Variants in PLXNB2 observed in about 807,000 individuals in gnomAD.
PLXNB2 encodes the protein plexin-B2.
In PLXNB2, 85 loss-of-function variants were observed where a neutral mutation model predicts 202.6. The ratio of observed to expected loss-of-function variants is 0.42; its 90% CI spans 0.35 to 0.50. The LOEUF is 0.50. PLXNB2 is among the 20% of genes least tolerant of loss of function. The pLI is 0.02. For synonymous variants in PLXNB2, 1,239 were observed against 1,137.6 expected, an observed-to-expected ratio of 1.09 and a Z score of -1.79; for missense variants, 2,063 against 2,586.2, an observed-to-expected ratio of 0.80 and a Z score of 4.39.
At chr22:50,287,395 C>T (rs2066535412) in intron 7 of PLXNB2, 131 bp from the exon 8 acceptor site, 6 of 1,044,114 alleles carry the variant, frequency 5.7e-6, no homozygotes, top group Non-Finnish European at 6.8e-6. Flanking sequence ...CCACGTCTTC[C>T]AATACAGGCC....
In PLXNB2 at chr22:50,282,795, G is replaced by A. The variant is rs745397200; in HGVS notation, c.2903C>T (p.Ser968Phe). The A allele has an allele frequency of 9.9e-6, 16 of 1,609,576 alleles. No homozygotes were observed. Among genetic ancestry groups the A allele is most frequent in the Admixed American group, 5.1e-5 (3 of 59,204 alleles). Residue 968 changes from serine (S) to phenylalanine (F), a missense_variant, in exon 18 of 37, where the codon TCC becomes TTC. Ser to Phe is a radical substitution (Grantham distance 155). Around this residue, in one of 2 missense-constraint regions of PLXNB2, gnomAD observed 1,303 missense variants for 1,476.8 expected, o/e 0.88. Transcript: ENST00000359337. ...GAAGATGCCGGGGTTGGGCACGGGG[G>A]ACCCCCCGTAGGAGACCTCCAGAAG... Reference protein sequence around the residue: ...QMLLEVSYGGSPVPNPGIFFT... With the variant: ...QMLLEVSYGGFPVPNPGIFFT...
rs770869553 is a variant in PLXNB2 at position 50,290,262 on chromosome 22, C to A, written c.323G>T (p.Arg108Leu). 2 of 1,611,738 alleles carry A rather than the reference C, an allele frequency of 1.2e-6. No individual in the cohort carries two copies. The highest frequency in any genetic ancestry group is 1.7e-6 in the Non-Finnish European group (2 of 1,180,014). ...QLLLLDPPRK[R>L]LVECGSLFKG... ...GAAGAGGCTGCCGCACTCCACCAGG[C>A]GCTTCCTGGGAGGGTCGAGCAGCAG... is the stretch of plus-strand genomic sequence containing the variant. Residue 108 changes from arginine (R) to leucine (L), a missense_variant, in exon 3 of 37, where the codon CGC (arginine) becomes CTC (leucine). Physicochemically the swap from Arg to Leu is moderately radical, Grantham distance 102. This residue lies in a region of PLXNB2 where 1,303 missense variants were observed against 1,476.8 expected (regional missense o/e 0.88). Coordinates refer to ENST00000359337, the MANE Select transcript of PLXNB2 (RefSeq NM_012401.4).
intron 19 of PLXNB2, 40 bp from the exon 20 acceptor site, chr22:50,282,121 C>T: frequency 1.9e-6 from 3 of 1,604,140 alleles, no homozygotes; most frequent in East Asian, 2.2e-5. Context: ...GGGCGCAGAC[C>T]CCGCCCTTCC....
chr22:50,279,841 G>A, intron 26 of PLXNB2, 65 bp from the exon 27 acceptor site: 1 of 1,583,702 alleles, frequency 6.3e-7, no homozygotes, highest in South Asian at 1.1e-5. Flanking sequence ...GGCCCCCGGA[G>A]CCCTGGCCAG....
At position 50,287,669 on chromosome 22, in the gene PLXNB2, C is replaced by T. The variant is rs1450215526; in HGVS notation, c.1606G>A (p.Glu536Lys). Reference sequence around the variant, plus strand: ...CCCACCCCAGACCCACCACGCACCTCCCCCTGGGCCCGCCGGCTCATGTTC... The same window carrying T: ...CCCACCCCAGACCCACCACGCACCTTCCCCTGGGCCCGCCGGCTCATGTTC... ...PQNMSRRAQG[E>K]VQLTVSPLPA... is the part of the protein sequence containing the mutation. The change falls in exon 7 of 37, where the codon GAG (glutamate) becomes AAG (lysine). Residue 536 changes from glutamate (E) to lysine (K), a missense_variant and splice_region_variant. Physicochemically the swap from Glu to Lys is moderately conservative, Grantham distance 56 (BLOSUM62 1). Coordinates refer to ENST00000359337, the MANE Select transcript of PLXNB2 (RefSeq NM_012401.4). The T allele has an allele frequency of 6.5e-7, 1 of 1,540,606 alleles. No homozygotes were observed. The highest frequency in any genetic ancestry group is 8.7e-7 in the Non-Finnish European group (1 of 1,147,538).
At chr22:50,292,236 G>A (rs903582081) in intron 2 of PLXNB2, among the ~76,000 whole-genome samples, 17 of 151,646 alleles carry the variant, frequency 1.1e-4, no homozygotes, top group Non-Finnish European at 2.2e-4. Context: ...TACTCCAGAG[G>A]CTGAGGCAGG....
rs916982528 is a variant in PLXNB2, at chr22:50,307,637, G to C, written c.-158C>G. On this transcript the variant is annotated 5_prime_UTR_variant, in exon 1 of 37. Coordinates refer to ENST00000359337, the MANE Select transcript of PLXNB2 (RefSeq NM_012401.4). ...CCCGCGCTGCTGCCATGGAGACGGG[G>C]CCTTTGTGTGGCCGAGGAGGGGCCG... 5 of 981,570 alleles carry C rather than the reference G, an allele frequency of 5.1e-6. No individual in the cohort carries two copies. The African/African-American group carries it at 8.9e-5, about 17-fold the overall frequency. 60.8% of individuals were successfully genotyped at this position (981,570 alleles called of 1,614,324 possible). A position where few individuals can be genotyped will look rare whatever the true frequency, so the allele number is the denominator to read the frequency against.
At position 50,288,677 on chromosome 22, in the gene PLXNB2, G is replaced by A; in HGVS notation, c.1380+66C>T. 1.3e-6 allele frequency: 2 copies of A among 1,592,386 alleles called. No homozygotes were observed. Among genetic ancestry groups the A allele is most frequent in the Non-Finnish European group, 1.7e-6 (2 of 1,168,848 alleles). On this transcript the variant is annotated intron_variant, in intron 5 of 36. Transcript: ENST00000359337. This position sits in a 1 kb window ranked among gnomAD's most constrained non-coding sequence, Gnocchi z 5.0. ...CCTCTGGCCCCCAGGCCTGTCCTAA[G>A]GGCCTGGGATGCAATGACCGGGCAC...
intron 1 of PLXNB2, among the ~76,000 whole-genome samples, chr22:50,296,053 G>C (rs893419802): frequency 2.0e-5 from 3 of 152,084 alleles, no homozygotes; most frequent in Admixed American, 6.6e-5. Flanking sequence ...AGTGAGCCGA[G>C]ATCGCGCCAC....
In PLXNB2 at chr22:50,278,481, C is replaced by G. The variant is rs1339836181; in HGVS notation, c.4686G>C (p.Gly1562=). 5.8e-6 allele frequency: 9 copies of G among 1,561,482 alleles called. No individual in the cohort carries two copies. Among genetic ancestry groups the G allele is most frequent in the Non-Finnish European group, 6.9e-6 (8 of 1,153,294 alleles). ...DGATLILSKV[G]VSQQPEDSQQ... is the part of the protein sequence containing the mutation. Reference sequence around the variant, plus strand: ...GGCTGTCCTCCGGCTGCTGGGAGACCCCCACCTTGGACAGGATGAGGGTGG... The same window carrying G: ...GGCTGTCCTCCGGCTGCTGGGAGACGCCCACCTTGGACAGGATGAGGGTGG... Residue 1562 remains glycine (G), a synonymous_variant, in exon 30 of 37, where the codon GGG becomes GGC. Coordinates refer to ENST00000359337, the MANE Select transcript of PLXNB2 (RefSeq NM_012401.4).
chr22:50,293,404 G>A (rs952479344), intron 2 of PLXNB2, among the ~76,000 whole-genome samples: 18 of 152,150 alleles, frequency 1.2e-4, no homozygotes, highest in African/African-American at 4.3e-4. Context: ...GGCAGGTCCC[G>A]CAGGCCCCCG....
chr22:50,283,673 C>A lies in PLXNB2; in HGVS notation c.2499G>T (p.Gly833=). The change falls in exon 15 of 37, where the codon GGG becomes GGT. Residue 833 remains glycine, a synonymous_variant. Coordinates refer to ENST00000359337, the MANE Select transcript of PLXNB2 (RefSeq NM_012401.4). ...CGGCCACAGAGATCCTCTGGATGTC[C>A]CCTGCTTGGACGCCCAAATTGGACC... ...ILGSNLGVQA[G]DIQRISVAGR... 3 of 1,613,152 alleles carry A rather than the reference C, an allele frequency of 1.9e-6. No individual in the cohort carries two copies. Among genetic ancestry groups the A allele is most frequent in the Non-Finnish European group, 1.7e-6 (2 of 1,179,960 alleles).
At position 50,288,343 on chromosome 22, in the gene PLXNB2, C is replaced by T. The variant is rs2066621316; in HGVS notation, c.1381-306G>A. Among the ~76,000 whole-genome samples, 1 of 152,082 alleles carries T rather than the reference C, an allele frequency of 6.6e-6. No individual in the cohort carries two copies. The highest frequency in any genetic ancestry group is 2.4e-5 in the African/African-American group (1 of 41,414). On this transcript the variant is annotated intron_variant, in intron 5 of 36. Transcript: ENST00000359337. The surrounding 1 kb of genome is among the most constrained non-coding windows in gnomAD (Gnocchi z 5.0). ...TGGCCTGAGGGTCTCTGGCACTAACCCCCCACAAGCTTGGGGCCCAGGCCC... is the reference window on the plus strand; with the variant it reads ...TGGCCTGAGGGTCTCTGGCACTAACTCCCCACAAGCTTGGGGCCCAGGCCC...
In PLXNB2 at chr22:50,291,295, C is replaced by T. The variant is rs1012893151; in HGVS notation, c.-13-698G>A. Among the ~76,000 whole-genome samples the T allele has an allele frequency of 6.6e-6, 1 of 152,190 alleles. No individual in the cohort carries two copies. The highest frequency in any genetic ancestry group is 2.4e-5 in the African/African-American group (1 of 41,454). On this transcript the variant is annotated intron_variant, in intron 2 of 36. Transcript: ENST00000359337. This position sits in a 1 kb window ranked among gnomAD's most constrained non-coding sequence, Gnocchi z 4.3. ...CGCCCAGGGCACAGCCTCTGATGTG[C>T]GCACAGCGGAGGCAACAAGGGGACC...
intron 7 of PLXNB2, 129 bp downstream of exon 7, chr22:50,287,537 TC>T: frequency 9.8e-7 from 1 of 1,023,938 alleles, no homozygotes; most frequent in Non-Finnish European, 1.4e-6. Flanking sequence ...TCCCTAAGGC[TC>T]GGTGCCCAGA....
chr22:50,276,029 G>A (rs921471788), intron 35 of PLXNB2, 66 bp from the exon 36 acceptor site: 36 of 1,479,802 alleles, frequency 2.4e-5, no homozygotes, highest in Non-Finnish European at 3.4e-5. Context: ...GGCAGGAGTA[G>A]TACGGGACGC....
At position 50,288,848 on chromosome 22, in the gene PLXNB2, G is replaced by A. The variant is rs368196346; in HGVS notation, c.1275C>T (p.Thr425=). ...ILKVYLTPDG[T]SSEYDSILVE... ...CAAGGATAGAGTCGTACTCTGAGGAGGTGCCATCTGGGGTGAGGTACACCT... is the reference window on the plus strand; with the variant it reads ...CAAGGATAGAGTCGTACTCTGAGGAAGTGCCATCTGGGGTGAGGTACACCT... Residue 425 remains threonine, a synonymous_variant, in exon 5 of 37, where the codon ACC becomes ACT. Transcript: ENST00000359337. This position sits in a 1 kb window ranked among gnomAD's most constrained non-coding sequence, Gnocchi z 5.0. 17 of 1,613,440 alleles carry A rather than the reference G, an allele frequency of 1.1e-5. No homozygotes were observed. The highest frequency in any genetic ancestry group is 1.4e-5 in the Non-Finnish European group (16 of 1,179,968).
intron 27 of PLXNB2, 121 bp from the exon 28 acceptor site, chr22:50,279,132 C>A: frequency 9.6e-7 from 1 of 1,036,840 alleles, no homozygotes; most frequent in Non-Finnish European, 1.4e-6. Context: ...CAGCAGGCCC[C>A]CGCCAGCCCG....
At chr22:50,286,431 T>G in intron 8 of PLXNB2, 144 bp from the exon 9 acceptor site, 1 of 620,204 alleles carries the variant, frequency 1.6e-6, no homozygotes, top group Non-Finnish European at 2.9e-6. Flanking sequence ...GCATTCATGT[T>G]GGGCGGGGCC....
Sources: allele counts gnomAD v4.1 joint callset (sites outside exome capture counted in the v4.1 genomes callset), GRCh38; gene constraint gnomAD v4.1.1; regional missense constraint gnomAD v4.1.1; non-coding constraint Gnocchi (gnomAD v3.1); transcripts MANE v1.5; gene names NCBI Gene and HGNC (gene_info 2026-07-23, HGNC 2026-07-21).